Variants in MAST4 observed in about 807,000 individuals in gnomAD.
The protein encoded by MAST4 is microtubule-associated serine/threonine-protein kinase 4.
Under a neutral mutation model 162.7 loss-of-function variants are expected in MAST4, and 89 were observed. That is an observed-to-expected ratio of 0.55 (90% CI 0.46 to 0.65). The LOEUF (loss-of-function observed/expected upper bound fraction) is 0.65. Among genes scored for constraint, MAST4 ranks in the 30% least tolerant of loss-of-function variants. The pLI, the probability that MAST4 is intolerant of heterozygous loss-of-function variation, is 0.00. For synonymous variants in MAST4, 1,479 were observed against 1,361.1 expected, an observed-to-expected ratio of 1.09 and a Z score of -1.91; for missense variants, 3,153 against 3,374.0, an observed-to-expected ratio of 0.93 and a Z score of 1.62.
At chr5:67,013,928 T>A (rs879766301) in intron 4 of MAST4, among the ~76,000 whole-genome samples, 6 of 152,330 alleles carry the variant, frequency 3.9e-5, no homozygotes, top group Middle Eastern at 3.4e-3. Context: ...TTATTTCTTA[T>A]GTCTGATTTG....
chr5:67,128,313 C>G (rs761689283), intron 14 of MAST4, among the ~76,000 whole-genome samples: 3 of 152,106 alleles, frequency 2.0e-5, no homozygotes, highest in Non-Finnish European at 4.4e-5. Flanking sequence ...AAGAGTACCA[C>G]CAGTCGGCGT....
At position 66,718,185 on chromosome 5, in the gene MAST4, C is replaced by CT. The variant is rs375291098; in HGVS notation, c.364-41514dup. On this transcript the variant is annotated intron_variant, in intron 1 of 28. Coordinates refer to ENST00000403625, the MANE Select transcript of MAST4 (RefSeq NM_001164664.2). ...GTGGGTTTTTTTTTCTTTTTTTTTT[C>CT]TTTTTTTTTTGCTTTGCTGAGAAAA... Among the ~76,000 whole-genome samples the CT allele has an allele frequency of 3.2e-3, 393 of 122,062 alleles. 2 individuals carry two copies. Among genetic ancestry groups the CT allele is most frequent in the African/African-American group, 7.6e-3 (258 of 33,880 alleles). The allele number at this position is 122,062 out of a possible 152,430, so 80.1% of individuals were successfully genotyped here.
chr5:66,958,981 A>C (rs1745655201), intron 4 of MAST4: 2 of 415,156 alleles, frequency 4.8e-6, no homozygotes, highest in Non-Finnish European at 8.6e-6. Flanking sequence ...AAAATCAGAA[A>C]CCAATTACTT....
intron 4 of MAST4, among the ~76,000 whole-genome samples, chr5:66,903,934 G>T (rs1405846707): frequency 6.6e-6 from 1 of 152,170 alleles, no homozygotes; most frequent in Non-Finnish European, 1.5e-5. Context: ...GAGCACAAGT[G>T]GTGATGCCAT....
intron 5 of MAST4, among the ~76,000 whole-genome samples, chr5:67,083,633 C>T (rs1159879): frequency 0.014 from 2,143 of 152,044 alleles, 32 homozygotes; most frequent in African/African-American, 0.037. Flanking sequence ...AAAAAAAATA[C>T]GAATGCATTA....
At position 67,164,048 on chromosome 5, in the gene MAST4, C is replaced by T. The variant is rs749833774; in HGVS notation, c.4869C>T (p.Gly1623=). The change falls in exon 29 of 29, where the codon GGC becomes GGT. Residue 1623 remains glycine, a synonymous_variant. Transcript: ENST00000403625. This position sits in a 1 kb window ranked among gnomAD's most constrained non-coding sequence, Gnocchi z 5.3. ...VRASEGAMSD[G]RVPAEHRQGG... The stretch of plus-strand genomic sequence containing the variant: ...CCAGCGAGGGTGCGATGTCGGATGG[C>T]CGGGTGCCTGCGGAGCACCGCCAGG... The T allele has an allele frequency of 1.1e-5, 17 of 1,574,944 alleles. No homozygotes were observed. The highest frequency in any genetic ancestry group is 1.7e-4 in the Middle Eastern group (1 of 5,982).
intron 1 of MAST4, among the ~76,000 whole-genome samples, chr5:66,609,052 A>AT (rs33928003): frequency 0.063 from 8,164 of 130,080 alleles, 300 homozygotes; most frequent in Middle Eastern, 0.12. Flanking sequence ...TCTCCCTTAG[A>AT]TTTTTTTTTT....
chr5:66,733,233 C>A (rs1242319442), intron 1 of MAST4, among the ~76,000 whole-genome samples: 1 of 152,060 alleles, frequency 6.6e-6, no homozygotes, highest in East Asian at 1.9e-4. Flanking sequence ...CTCCCTGTCT[C>A]CTCCCTCCAA....
chr5:67,003,368 G>C (rs1452944015), intron 4 of MAST4, among the ~76,000 whole-genome samples: 1 of 152,110 alleles, frequency 6.6e-6, no homozygotes, highest in African/African-American at 2.4e-5. Flanking sequence ...AAAACTCTTG[G>C]AGTCCTTGGT....
intron 3 of MAST4, among the ~76,000 whole-genome samples, chr5:66,837,118 G>A (rs2149776055): frequency 6.6e-6 from 1 of 151,354 alleles, no homozygotes; most frequent in African/African-American, 2.4e-5. Flanking sequence ...TGTTAACATT[G>A]TCTCTACCTC....
intron 4 of MAST4, among the ~76,000 whole-genome samples, chr5:67,033,713 TTTTG>T (rs569598849): frequency 1.7e-4 from 26 of 152,088 alleles, no homozygotes; most frequent in Non-Finnish European, 3.2e-4. Context: ...TGCCTGTGGG[TTTTG>T]TTTGTTTGTT....
At chr5:67,085,710 T>C (rs1763161572) in intron 5 of MAST4, among the ~76,000 whole-genome samples, 1 of 152,190 alleles carries the variant, frequency 6.6e-6, no homozygotes, top group African/African-American at 2.4e-5. Flanking sequence ...ATCAAGGTTT[T>C]TTTCTTGGCC....
At chr5:66,637,979 A>G (rs1221464640) in intron 1 of MAST4, among the ~76,000 whole-genome samples, 1 of 152,246 alleles carries the variant, frequency 6.6e-6, no homozygotes, top group Non-Finnish European at 1.5e-5. Flanking sequence ...CTGGGATTAC[A>G]GACATGAGCC....
In MAST4 at chr5:66,815,006, T is replaced by TTGA. The variant is rs1756651128; in HGVS notation, c.642+26213_642+26215dup. ...ATTATGTTCTGAAAATGGTGCATAC[T>TTGA]TGAGCTAGAGGGATTCCTACCAGTA... On this transcript the variant is annotated intron_variant, in intron 3 of 28. Coordinates refer to ENST00000403625, the MANE Select transcript of MAST4 (RefSeq NM_001164664.2). Among the ~76,000 whole-genome samples the TTGA allele has an allele frequency of 2.0e-5, 3 of 152,162 alleles. No individual in the cohort carries two copies. The South Asian group carries it at 6.2e-4, about 32-fold the overall frequency.
intron 1 of MAST4, among the ~76,000 whole-genome samples, chr5:66,747,219 C>G (rs954694064): frequency 6.6e-6 from 1 of 151,862 alleles, no homozygotes. Context: ...ATACATATTT[C>G]TCTTGGAAGG....
At chr5:66,708,212 G>A (rs1750264476) in intron 1 of MAST4, among the ~76,000 whole-genome samples, 1 of 152,156 alleles carries the variant, frequency 6.6e-6, no homozygotes, top group African/African-American at 2.4e-5. Context: ...TGCGGGACTT[G>A]GAGTTGGAAG....
chr5:66,735,347 A>G (rs576789319), intron 1 of MAST4, among the ~76,000 whole-genome samples: 1 of 152,326 alleles, frequency 6.6e-6, no homozygotes, highest in South Asian at 2.1e-4. Flanking sequence ...ATTTTAGTTC[A>G]ATTACTATTG....
chr5:66,745,487 A>C (rs1752699308), intron 1 of MAST4, among the ~76,000 whole-genome samples: 1 of 152,214 alleles, frequency 6.6e-6, no homozygotes, highest in Non-Finnish European at 1.5e-5. Flanking sequence ...TTATCAATTA[A>C]TCGATCATCG....
At chr5:66,874,455 A>G (rs1761155769) in intron 3 of MAST4, among the ~76,000 whole-genome samples, 1 of 152,200 alleles carries the variant, frequency 6.6e-6, no homozygotes. Context: ...ATGAGCTGTC[A>G]TTTTACATTG....
Sources: allele counts gnomAD v4.1 joint callset (sites outside exome capture counted in the v4.1 genomes callset), GRCh38; gene constraint gnomAD v4.1.1; non-coding constraint Gnocchi (gnomAD v3.1); transcripts MANE v1.5; gene names NCBI Gene and HGNC (gene_info 2026-07-23, HGNC 2026-07-21).